DGLUCY: variants seen among roughly 807,000 people sequenced by gnomAD.
The protein encoded by DGLUCY is D-glutamate cyclase.
DGLUCY carries 58 observed loss-of-function variants against 58.5 expected under a neutral mutation model. That is an observed-to-expected ratio of 0.99 (90% confidence interval 0.80 to 1.23). The LOEUF is 1.23. Among genes scored for constraint, DGLUCY ranks in the 50% most tolerant of loss-of-function variants. The pLI, the probability that DGLUCY is intolerant of heterozygous loss-of-function variation, is 0.00. For synonymous variants in DGLUCY, 325 were observed against 314.1 expected, an observed-to-expected ratio of 1.03 and a Z score of -0.37; for missense variants, 779 against 784.7, an observed-to-expected ratio of 0.99 and a Z score of 0.09.
In DGLUCY at chr14:91,165,014, G is replaced by A. The variant is rs142284281; in HGVS notation, c.104-2211G>A. ...GCCAAAAACCTTAGATGCCTACCTGGTGTTCTGTTGTATTGTGGCTGAGCT... is the reference window on the plus strand; with the variant it reads ...GCCAAAAACCTTAGATGCCTACCTGATGTTCTGTTGTATTGTGGCTGAGCT... On this transcript the variant is annotated intron_variant, in intron 3 of 13. Coordinates refer to ENST00000256324, the MANE Select transcript of DGLUCY (RefSeq NM_001102368.3). Among the ~76,000 whole-genome samples, 598 of 152,280 alleles carry A rather than the reference G, an allele frequency of 3.9e-3. 8 individuals carry two copies. Among genetic ancestry groups the A allele is most frequent in the Middle Eastern group, 6.8e-3 (2 of 294 alleles).
chr14:91,200,897 G>A (rs2050511353), intron 11 of DGLUCY, among the ~76,000 whole-genome samples: 1 of 151,954 alleles, frequency 6.6e-6, no homozygotes, highest in African/African-American at 2.4e-5. Context: ...GGGATAGGTG[G>A]TGGAGTTAGG....
At position 91,074,308 on chromosome 14, in the gene DGLUCY, A is replaced by T. The variant is rs866322429; in HGVS notation, c.-82+13604A>T. 2.8e-3 allele frequency among the ~76,000 whole-genome samples: 404 copies of T among 142,238 alleles called. 2 individuals are homozygous for T. Among genetic ancestry groups the T allele is most frequent in the African/African-American group, 8.9e-3 (336 of 37,586 alleles). The allele number at this position is 142,238 out of a possible 152,430, so 93.3% of individuals were successfully genotyped here. On this transcript the variant is annotated intron_variant, in intron 1 of 4. Coordinates refer to the DGLUCY transcript ENST00000521334. ...ATACCCTGTCTCAAAAAAAAAAAAA[A>T]AAAAATATATATATATATATATAAA...
At position 91,163,755 on chromosome 14, in the gene DGLUCY, C is replaced by A. The variant is rs978898982; in HGVS notation, c.103+3358C>A. On this transcript the variant is annotated intron_variant, in intron 3 of 13. Coordinates refer to ENST00000256324, the MANE Select transcript of DGLUCY (RefSeq NM_001102368.3). ...CTGTGTGACCCTGGGAAAGTCATTT[C>A]ATCTCTCTGAGCCTCGTTCCCCTCA... 7.3e-4 allele frequency among the ~76,000 whole-genome samples: 111 copies of A among 152,182 alleles called. 1 individual carries two copies. The highest frequency in any genetic ancestry group is 2.4e-4 in the Non-Finnish European group (16 of 68,048).
chr14:91,086,899 G>A (rs1043136512), intron 1 of DGLUCY, among the ~76,000 whole-genome samples: 4 of 152,002 alleles, frequency 2.6e-5, no homozygotes, highest in African/African-American at 4.8e-5. Flanking sequence ...CCACAGGTGC[G>A]CACCACCACA....
At chr14:91,064,932 T>G (rs1202071213) in intron 1 of DGLUCY, among the ~76,000 whole-genome samples, 1 of 152,208 alleles carries the variant, frequency 6.6e-6, no homozygotes, top group Non-Finnish European at 1.5e-5. Flanking sequence ...AGAACAAAGA[T>G]CCTAGCTGGA....
At chr14:91,120,465 C>T (rs557088715) in intron 1 of DGLUCY, among the ~76,000 whole-genome samples, 6 of 152,270 alleles carry the variant, frequency 3.9e-5, no homozygotes, top group African/African-American at 1.2e-4. Flanking sequence ...AGTGCAATCA[C>T]GCTATCTCAG....
chr14:91,178,010 C>T (rs2048959036), intron 7 of DGLUCY, among the ~76,000 whole-genome samples: 1 of 152,246 alleles, frequency 6.6e-6, no homozygotes, highest in Non-Finnish European at 1.5e-5. Flanking sequence ...CGCTTTCCCA[C>T]CATCGGTCGT....
chr14:91,095,186 C>T (rs997847699), intron 1 of DGLUCY, among the ~76,000 whole-genome samples: 7 of 152,196 alleles, frequency 4.6e-5, no homozygotes, highest in African/African-American at 1.4e-4. Context: ...TGTCCATCCT[C>T]GGCGGTCCTG....
chr14:91,122,467 GA>G (rs1234455324), intron 1 of DGLUCY, among the ~76,000 whole-genome samples: 4 of 151,794 alleles, frequency 2.6e-5, no homozygotes, highest in African/African-American at 4.8e-5. Context: ...AAAAAAGAAA[GA>G]TTTTTTTTAT....
chr14:91,101,499 C>T (rs979255372), intron 1 of DGLUCY, among the ~76,000 whole-genome samples: 1 of 152,168 alleles, frequency 6.6e-6, no homozygotes, highest in Admixed American at 6.6e-5. Context: ...AGCAGGCATC[C>T]CTGATGCCCT....
At chr14:91,187,384 A>G (rs966004371) in intron 8 of DGLUCY, among the ~76,000 whole-genome samples, 1 of 152,186 alleles carries the variant, frequency 6.6e-6, no homozygotes, top group Non-Finnish European at 1.5e-5. Context: ...GATTTCAGCC[A>G]CCGCCAGAGT....
chr14:91,179,109 C>T (rs537901297), intron 7 of DGLUCY, among the ~76,000 whole-genome samples: 6 of 152,320 alleles, frequency 3.9e-5, no homozygotes, highest in South Asian at 4.1e-4. Flanking sequence ...ACCTATTATG[C>T]GCAAGGCCCT....
chr14:91,173,442 C>T lies in DGLUCY; in HGVS notation c.607+3C>T, dbSNP rs575841985. 1.3e-6 allele frequency: 2 copies of T among 1,593,848 alleles called. No homozygotes were observed. Among genetic ancestry groups the T allele is most frequent in the African/African-American group, 2.7e-5 (2 of 73,774 alleles). On this transcript the variant is annotated splice_donor_region_variant and intron_variant, in intron 6 of 13. Coordinates refer to ENST00000256324, the MANE Select transcript of DGLUCY (RefSeq NM_001102368.3). ...ACCTGTTCACATGGGCGACCCAGGT[C>T]AGTGTCTCTCGCTCCTGCCCATGAT... is the stretch of plus-strand genomic sequence containing the variant.
At chr14:91,212,740 C>G (rs148423461) in intron 12 of DGLUCY, among the ~76,000 whole-genome samples, 2,273 of 150,932 alleles carry the variant, frequency 0.015, 65 homozygotes, top group African/African-American at 0.053. Flanking sequence ...CAGTGGCTCA[C>G]ACCTGTAATC....
chr14:91,161,333 G>A (rs1385011433), intron 3 of DGLUCY, among the ~76,000 whole-genome samples: 4 of 152,262 alleles, frequency 2.6e-5, no homozygotes, highest in Non-Finnish European at 4.4e-5. Context: ...GCCTCCCAAA[G>A]TGCTGGAGTT....
At chr14:91,203,332 C>T (rs1432152170) in intron 11 of DGLUCY, among the ~76,000 whole-genome samples, 1 of 152,206 alleles carries the variant, frequency 6.6e-6, no homozygotes, top group Non-Finnish European at 1.5e-5. Context: ...GCCAAATTCA[C>T]TCCCTGATGT....
chr14:91,189,489 C>G (rs2049733050), intron 9 of DGLUCY, among the ~76,000 whole-genome samples: 1 of 152,168 alleles, frequency 6.6e-6, no homozygotes, highest in African/African-American at 2.4e-5. Context: ...TCCGGGGCAG[C>G]CCTGGACCAC....
chr14:91,188,498 A>T (rs548415412), intron 8 of DGLUCY, among the ~76,000 whole-genome samples: 1 of 152,284 alleles, frequency 6.6e-6, no homozygotes, highest in South Asian at 2.1e-4. Context: ...CTAAAAACCC[A>T]AACTACTCTT....
intron 9 of DGLUCY, among the ~76,000 whole-genome samples, chr14:91,191,329 C>G (rs1425908791): frequency 6.6e-6 from 1 of 152,064 alleles, no homozygotes. Flanking sequence ...TTTATAGGTA[C>G]AGGGGTTCAG....
Sources: allele counts gnomAD v4.1 joint callset (sites outside exome capture counted in the v4.1 genomes callset), GRCh38; gene constraint gnomAD v4.1.1; transcripts MANE v1.5; gene names NCBI Gene and HGNC (gene_info 2026-07-23, HGNC 2026-07-21).